The following UBE2E3 variants were observed in gnomAD, a reference collection of about 807,000 sequenced individuals.
UBE2E3 encodes ubiquitin conjugating enzyme E2 E3, also known as ubiquitin-conjugating enzyme E2 E3.
In UBE2E3, 5 loss-of-function variants were observed where a neutral mutation model predicts 23.6. The ratio of observed to expected loss-of-function variants is 0.21; its 90% CI spans 0.11 to 0.44. UBE2E3 has a LOEUF of 0.44. Ranked by LOEUF, UBE2E3 falls within the 20% of genes least tolerant of loss-of-function variation. UBE2E3 has a pLI of 0.99. For missense variants in UBE2E3, 81 were observed against 249.8 expected (o/e 0.32, Z 4.55); for synonymous variants, 78 against 87.5 (o/e 0.89, Z 0.60).
At chr2:181,038,036 T>C (rs1686354630) in intron 3 of UBE2E3, among the ~76,000 whole-genome samples, 1 of 152,206 alleles carries the variant, frequency 6.6e-6, no homozygotes, top group Non-Finnish European at 1.5e-5. Context: ...TATTTTTGTA[T>C]AAATTTAGTA....
At chr2:181,045,164 A>C (rs1686633094) in intron 3 of UBE2E3, among the ~76,000 whole-genome samples, 1 of 152,164 alleles carries the variant, frequency 6.6e-6, no homozygotes, top group Admixed American at 6.6e-5. Context: ...TGTAAGCAAA[A>C]TTACTTGTGC....
At chr2:180,987,696 C>G (rs1031763871) in intron 3 of UBE2E3, among the ~76,000 whole-genome samples, 1 of 151,794 alleles carries the variant, frequency 6.6e-6, no homozygotes, top group African/African-American at 2.4e-5. Flanking sequence ...GTTTCTAAAC[C>G]AGTAGTTGAT....
At chr2:181,014,989 G>A (rs1685443088) in intron 3 of UBE2E3, among the ~76,000 whole-genome samples, 1 of 152,200 alleles carries the variant, frequency 6.6e-6, no homozygotes, top group African/African-American at 2.4e-5. Flanking sequence ...GAACGGTGAT[G>A]CCTGATGAAG....
chr2:181,041,660 A>C (rs919381412), intron 3 of UBE2E3, among the ~76,000 whole-genome samples: 3 of 149,740 alleles, frequency 2.0e-5, no homozygotes, highest in Non-Finnish European at 3.0e-5. Context: ...CTGGTCTCGA[A>C]CTCCTGACCT....
intron 3 of UBE2E3, among the ~76,000 whole-genome samples, chr2:181,022,339 G>A (rs924666978): frequency 2.0e-5 from 3 of 151,820 alleles, no homozygotes; most frequent in East Asian, 1.9e-4. Context: ...CATTATTCTC[G>A]GTGGTGTTAT....
intron 3 of UBE2E3, among the ~76,000 whole-genome samples, chr2:181,038,987 G>C (rs764033112): frequency 1.3e-5 from 2 of 152,152 alleles, no homozygotes; most frequent in Non-Finnish European, 2.9e-5. Context: ...AAATGGTATG[G>C]CCACTTGGGA....
At position 180,984,092 on chromosome 2, in the gene UBE2E3, A is replaced by T. The variant is rs1176391232; in HGVS notation, c.244A>T (p.Ser82Cys). 1 of 1,610,136 alleles carries T rather than the reference A, an allele frequency of 6.2e-7. No individual in the cohort carries two copies. ...AACCCTTGATCCTCCTCCTAATTGC[A>T]GGTAAGAAATGAATTTTGTTGTTTT... ...EITLDPPPNCSAGPKGDNIYE... is the reference protein window; with the variant it reads ...EITLDPPPNCCAGPKGDNIYE... The change falls in exon 3 of 6, where the codon AGT becomes TGT. Residue 82 changes from serine (S) to cysteine (C), a missense_variant and splice_region_variant. Ser to Cys is a moderately radical substitution (Grantham distance 112). Coordinates refer to ENST00000410062, the MANE Select transcript of UBE2E3 (RefSeq NM_006357.4).
At chr2:181,059,532 A>G (rs1418118118) in intron 4 of UBE2E3, among the ~76,000 whole-genome samples, 3 of 151,798 alleles carry the variant, frequency 2.0e-5, no homozygotes, top group Admixed American at 2.0e-4. Context: ...TAGTTAACCC[A>G]ACATATTAAA....
chr2:180,998,159 C>T (rs1684886108), intron 3 of UBE2E3, among the ~76,000 whole-genome samples: 1 of 152,082 alleles, frequency 6.6e-6, no homozygotes, highest in South Asian at 2.1e-4. Context: ...CATCTATTGT[C>T]TTGACAAAAA....
chr2:181,029,567 TG>T lies in UBE2E3; in HGVS notation c.246-28125del, dbSNP rs201218005. 4.3e-4 allele frequency among the ~76,000 whole-genome samples: 65 copies of T among 152,070 alleles called. 2 individuals carry two copies. The East Asian group carries it at 7.7e-3, about 18-fold the overall frequency. On this transcript the variant is annotated intron_variant, in intron 3 of 5. Coordinates refer to ENST00000410062, the MANE Select transcript of UBE2E3 (RefSeq NM_006357.4). The stretch of plus-strand genomic sequence containing the variant: ...CTTTTGTAAGTTTTATCTAAAAACT[TG>T]TTTTTTATCTAGCAACCTTGTATAA...
chr2:181,051,013 G>T (rs1686830849), intron 3 of UBE2E3, among the ~76,000 whole-genome samples: 1 of 151,724 alleles, frequency 6.6e-6, no homozygotes, highest in African/African-American at 2.4e-5. Flanking sequence ...TATAGTTGAA[G>T]TTTCTTCGTA....
At chr2:180,984,140 C>A (rs754628497) in intron 3 of UBE2E3, 47 bp downstream of exon 3, 1 of 1,509,784 alleles carries the variant, frequency 6.6e-7, no homozygotes, top group South Asian at 1.2e-5. Flanking sequence ...TGGAAAAATA[C>A]CAAGAGATTG....
At chr2:181,027,663 G>A (rs1192259034) in intron 3 of UBE2E3, among the ~76,000 whole-genome samples, 2 of 151,812 alleles carry the variant, frequency 1.3e-5, no homozygotes, top group African/African-American at 2.4e-5. Context: ...AGCATGTTGT[G>A]TCTTTTAAAT....
At chr2:181,060,974 A>G (rs1687136644) in intron 5 of UBE2E3, among the ~76,000 whole-genome samples, 162 bp downstream of exon 5, 1 of 147,946 alleles carries the variant, frequency 6.8e-6, no homozygotes, top group Admixed American at 6.9e-5. Context: ...TACCAATGCC[A>G]TTTGAAGTAG....
At position 181,060,770 on chromosome 2, in the gene UBE2E3, G is replaced by A; in HGVS notation, c.484G>A (p.Val162Ile). Residue 162 changes from valine to isoleucine, a missense_variant, in exon 5 of 6, where the codon GTT becomes ATT. Transcript: ENST00000410062. The part of the protein sequence containing the change: ...NWSPALTISK[V>I]LLSICSLLTD... ...GAGTCCCGCTTTGACTATTTCAAAG[G>A]TTTTGCTGTCTATTTGTTCCCTTTT... 1 of 1,606,824 alleles carries A rather than the reference G, an allele frequency of 6.2e-7. No individual in the cohort carries two copies.
intron 3 of UBE2E3, among the ~76,000 whole-genome samples, chr2:181,032,349 TCTG>T (rs1159679358): frequency 7.9e-5 from 12 of 152,206 alleles, no homozygotes; most frequent in African/African-American, 2.9e-4. Flanking sequence ...AGAGCCAGCT[TCTG>T]CTATCTGATA....
chr2:181,020,633 C>G (rs1685644046), intron 3 of UBE2E3, among the ~76,000 whole-genome samples: 1 of 152,138 alleles, frequency 6.6e-6, no homozygotes, highest in Admixed American at 6.5e-5. Context: ...CAAATCTTAT[C>G]AAATACTTCT....
intron 3 of UBE2E3, chr2:180,989,853 A>G: frequency 6.5e-7 from 1 of 1,532,992 alleles, no homozygotes; most frequent in Non-Finnish European, 8.8e-7. Context: ...GAGTTGCTGT[A>G]ACAACAGATG....
rs965423969 is a variant in UBE2E3 at position 180,999,971 on chromosome 2, CAA to C, written c.245+15879_245+15880del. On this transcript the variant is annotated intron_variant, in intron 3 of 5. Coordinates refer to ENST00000410062, the MANE Select transcript of UBE2E3 (RefSeq NM_006357.4). ...GAAGTATTAAAACCAGTTGTAATAA[CAA>C]GATATACTTTTGAAAGTGGTTCTGG... Among the ~76,000 whole-genome samples the C allele has an allele frequency of 2.0e-5, 3 of 152,046 alleles. No individual in the cohort carries two copies. In the East Asian group the frequency reaches 5.8e-4, roughly 29 times the overall value.
Sources: allele counts gnomAD v4.1 joint callset (sites outside exome capture counted in the v4.1 genomes callset), GRCh38; gene constraint gnomAD v4.1.1; transcripts MANE v1.5; gene names NCBI Gene and HGNC (gene_info 2026-07-23, HGNC 2026-07-21).